The following C2orf74 variants were observed in gnomAD, a reference collection of about 807,000 sequenced individuals.
C2orf74 encodes the protein DPM1 ER membrane anchor 1.
In C2orf74, 14 loss-of-function variants were observed where a neutral mutation model predicts 17.9. The observed-to-expected ratio is 0.78, with a 90% CI of 0.52 to 1.22. The LOEUF (loss-of-function observed/expected upper bound fraction) is 1.22, where lower values mean the gene tolerates loss of function less well. Ranked by LOEUF, C2orf74 falls within the 50% of genes most tolerant of loss-of-function variation. The probability of loss-of-function intolerance (pLI) is 0.00; values close to 1 mark genes in which losing one functional copy is unlikely to be tolerated. For missense variants in C2orf74, 217 were observed against 218.4 expected (o/e 0.99, Z 0.04); for synonymous variants, 79 against 72.6 (o/e 1.09, Z -0.44).
intron 1 of C2orf74, among the ~76,000 whole-genome samples, chr2:61,154,020 C>T (rs965019425): frequency 1.3e-5 from 2 of 152,232 alleles, no homozygotes; most frequent in East Asian, 3.9e-4. Context: ...GGGTGGATCA[C>T]TTGAGGTCAG....
At chr2:61,148,251 A>G (rs1219050179) in intron 1 of C2orf74, among the ~76,000 whole-genome samples, 1 of 151,236 alleles carries the variant, frequency 6.6e-6, no homozygotes, top group Non-Finnish European at 1.5e-5. Flanking sequence ...CAATGGTGCC[A>G]TCTCGGCTTA....
intron 1 of C2orf74, among the ~76,000 whole-genome samples, chr2:61,153,319 C>T (rs945131200): frequency 6.6e-6 from 1 of 151,978 alleles, no homozygotes; most frequent in East Asian, 2.0e-4. Context: ...CTCGCTCAGT[C>T]ACCCAGTCTG....
chr2:61,148,739 T>A (rs1197289054), intron 1 of C2orf74, among the ~76,000 whole-genome samples: 1 of 151,988 alleles, frequency 6.6e-6, no homozygotes, highest in Non-Finnish European at 1.5e-5. Flanking sequence ...TTTTTTGAGA[T>A]GGATCCTCGC....
At chr2:61,152,167 C>T (rs1049260649) in intron 1 of C2orf74, 1 of 152,310 alleles carries the variant, frequency 6.6e-6, no homozygotes, top group Non-Finnish European at 1.5e-5. Context: ...AAATGCAGGA[C>T]GGGGATCCTG....
intron 1 of C2orf74, among the ~76,000 whole-genome samples, chr2:61,151,110 G>A (rs1573706708): frequency 6.6e-6 from 1 of 151,968 alleles, no homozygotes; most frequent in South Asian, 2.1e-4. Flanking sequence ...AAGGTCAGGA[G>A]TTCAAGACCA....
intron 1 of C2orf74, among the ~76,000 whole-genome samples, chr2:61,154,591 C>T (rs531712848): frequency 6.6e-6 from 1 of 152,156 alleles, no homozygotes; most frequent in Non-Finnish European, 1.5e-5. Context: ...TATATGAGAA[C>T]CCTCTGTACT....
chr2:61,151,034 C>T (rs1010123685), intron 1 of C2orf74, among the ~76,000 whole-genome samples: 1 of 151,966 alleles, frequency 6.6e-6, no homozygotes, highest in Non-Finnish European at 1.5e-5. Flanking sequence ...GATGTCAAAA[C>T]AGACTGGGTG....
intron 1 of C2orf74, among the ~76,000 whole-genome samples, chr2:61,147,183 A>G (rs558822767): frequency 6.6e-6 from 1 of 151,350 alleles, no homozygotes; most frequent in African/African-American, 2.4e-5. Flanking sequence ...AGAAAGAAAG[A>G]AAAAAAGGTG....
chr2:61,146,638 G>A (rs540497251), intron 1 of C2orf74, among the ~76,000 whole-genome samples: 1 of 152,216 alleles, frequency 6.6e-6, no homozygotes, highest in South Asian at 2.1e-4. Context: ...GATGGAGACC[G>A]TCGTGGCCAA....
rs1049260649 is a variant in C2orf74 at position 61,152,167 on chromosome 2, C to G, written c.-122+6971C>G. 2.0e-5 allele frequency: 3 copies of G among 152,310 alleles called. No individual in the cohort carries two copies. The South Asian group carries it at 6.2e-4, about 32-fold the overall frequency. The allele number at this position is 152,310 out of a possible 1,614,324, so 9.4% of individuals were successfully genotyped here. ...AACGAGTGGTTTAGGAAATGCAGGACGGGGATCCTGCCAACACCGGTTTTT... is the reference window on the plus strand; with the variant it reads ...AACGAGTGGTTTAGGAAATGCAGGAGGGGGATCCTGCCAACACCGGTTTTT... On this transcript the variant is annotated intron_variant, in intron 1 of 3. Coordinates refer to the C2orf74 transcript ENST00000426997.
chr2:61,153,129 C>G (rs1346289087), intron 1 of C2orf74, among the ~76,000 whole-genome samples: 2 of 88,894 alleles, frequency 2.2e-5, no homozygotes, highest in African/African-American at 8.8e-5. Flanking sequence ...TCCTGGGCAA[C>G]AAGAGCAAAA....
At chr2:61,161,169 A>G (rs1387442569), upstream of C2orf74, among the ~76,000 whole-genome samples, 1 of 152,014 alleles carries the variant, frequency 6.6e-6, no homozygotes, top group African/African-American at 2.4e-5. Flanking sequence ...GTTGTTGAAC[A>G]TTTTTTTCAT....
intron 1 of C2orf74, among the ~76,000 whole-genome samples, chr2:61,146,811 C>T (rs1432227528): frequency 6.6e-6 from 1 of 151,516 alleles, no homozygotes; most frequent in African/African-American, 2.4e-5. Flanking sequence ...TGCACTCCAG[C>T]CTGGCGACAG....
chr2:61,164,231 C>G, intron 4 of C2orf74, 123 bp from the exon 5 acceptor site: 3 of 748,036 alleles, frequency 4.0e-6, no homozygotes, highest in South Asian at 2.6e-5. Flanking sequence ...TTGCTACTTT[C>G]CTATATCATT....
chr2:61,159,144 G>T (rs1032006960), upstream of C2orf74, among the ~76,000 whole-genome samples: 1 of 151,726 alleles, frequency 6.6e-6, no homozygotes, highest in African/African-American at 2.4e-5. Flanking sequence ...CTACAGATGC[G>T]TGCCACCACA....
chr2:61,148,539 T>A (rs572147484), intron 1 of C2orf74, among the ~76,000 whole-genome samples: 90 of 152,326 alleles, frequency 5.9e-4, no homozygotes, highest in Non-Finnish European at 1.2e-3. Flanking sequence ...GTTTTGGAAA[T>A]AGAGGATAGT....
intron 4 of C2orf74, among the ~76,000 whole-genome samples, chr2:61,164,080 T>C (rs1268856586): frequency 1.3e-5 from 2 of 152,088 alleles, no homozygotes; most frequent in Non-Finnish European, 2.9e-5. Flanking sequence ...CCATGCCCGG[T>C]TGACGACAGA....
At chr2:61,162,746 A>G (rs952630703) in intron 2 of C2orf74, 96 bp from the exon 3 acceptor site, 11 of 1,127,390 alleles carry the variant, frequency 9.8e-6, no homozygotes, top group Admixed American at 2.2e-5. Context: ...GCATTTTAGA[A>G]ATGCTGATAT....
chr2:61,148,575 A>G (rs1685136158), intron 1 of C2orf74, among the ~76,000 whole-genome samples: 1 of 152,208 alleles, frequency 6.6e-6, no homozygotes, highest in Non-Finnish European at 1.5e-5. Context: ...AAAATCTGAC[A>G]CTAATGTTTA....
Sources: gnomAD v4.1 joint callset for allele counts (sites outside exome capture counted in the v4.1 genomes callset) on GRCh38, gnomAD v4.1.1 for gene constraint, MANE v1.5 for transcripts, NCBI Gene and HGNC (gene_info 2026-07-23, HGNC 2026-07-21) for gene names.